MCTP1: variants seen among roughly 807,000 people sequenced by gnomAD.
MCTP1 encodes multiple C2 and transmembrane domain containing 1.
In MCTP1, 69 loss-of-function variants were observed where a neutral mutation model predicts 120.6. The ratio of observed to expected loss-of-function variants is 0.57; its 90% CI spans 0.47 to 0.70. The LOEUF (loss-of-function observed/expected upper bound fraction) is 0.70. MCTP1 is among the 30% of genes least tolerant of loss of function. The probability of loss-of-function intolerance (pLI) is 0.00; values close to 1 mark genes in which losing one functional copy is unlikely to be tolerated. For missense variants in MCTP1, 1,203 were observed against 1,248.8 expected, an observed-to-expected ratio of 0.96 and a Z score of 0.55; for synonymous variants, 529 against 493.1, an observed-to-expected ratio of 1.07 and a Z score of -0.96.
chr5:94,912,470 G>A (rs941852672), intron 9 of MCTP1, among the ~76,000 whole-genome samples: 12 of 89,768 alleles, frequency 1.3e-4, no homozygotes, highest in Admixed American at 5.4e-4. Context: ...AAAAAAAGCC[G>A]CACTCTGAGT....
At chr5:94,898,240 T>C (rs1412776102) in intron 10 of MCTP1, among the ~76,000 whole-genome samples, 1 of 152,186 alleles carries the variant, frequency 6.6e-6, no homozygotes, top group African/African-American at 2.4e-5. Context: ...AGAAAGTATT[T>C]AATGACTTCA....
chr5:95,272,850 CA>C (rs1299707900), intron 1 of MCTP1, among the ~76,000 whole-genome samples: 2 of 152,156 alleles, frequency 1.3e-5, no homozygotes, highest in Non-Finnish European at 2.9e-5. Flanking sequence ...GGGGATGACC[CA>C]AATGGTCAAG....
At chr5:94,968,307 G>A (rs1004280785) in intron 2 of MCTP1, among the ~76,000 whole-genome samples, 4 of 152,090 alleles carry the variant, frequency 2.6e-5, no homozygotes, top group East Asian at 1.9e-4. Context: ...ATAATTGAAC[G>A]TTCACTATGA....
chr5:95,283,880 C>G lies in MCTP1; in HGVS notation c.696G>C (p.Thr232=), dbSNP rs890744439. 10 of 1,379,444 alleles carry G rather than the reference C, an allele frequency of 7.2e-6. No homozygotes were observed. In the African/African-American group the frequency reaches 1.2e-4, roughly 17 times the overall value. The allele number at this position is 1,379,444 out of a possible 1,614,324, so 85.5% of individuals were successfully genotyped here. A position where few individuals can be genotyped will look rare whatever the true frequency, so the allele number is the denominator to read the frequency against. Residue 232 remains threonine (T), a synonymous_variant, in exon 1 of 23, where the codon ACG becomes ACC. Coordinates refer to ENST00000515393, the MANE Select transcript of MCTP1 (RefSeq NM_024717.7). ...RSPAESRAPE[T]GEEHGSSQKI... ...CCTGGCTGCTGCCGTGCTCCTCGCCCGTCTCCGGGGCCCGAGACTCCGCGG... is the reference window on the plus strand; with the variant it reads ...CCTGGCTGCTGCCGTGCTCCTCGCCGGTCTCCGGGGCCCGAGACTCCGCGG...
chr5:95,155,767 C>A (rs1745050920), intron 1 of MCTP1, among the ~76,000 whole-genome samples: 1 of 152,164 alleles, frequency 6.6e-6, no homozygotes, highest in Admixed American at 6.5e-5. Flanking sequence ...GATTCCTCCC[C>A]CATAGTGTTC....
At chr5:95,007,735 A>T (rs1207315564) in intron 2 of MCTP1, among the ~76,000 whole-genome samples, 1 of 152,210 alleles carries the variant, frequency 6.6e-6, no homozygotes, top group East Asian at 1.9e-4. Context: ...CTGTGAAAAA[A>T]GTGAAACTTC....
chr5:95,103,096 C>T (rs1756854554), intron 1 of MCTP1, among the ~76,000 whole-genome samples: 1 of 151,618 alleles, frequency 6.6e-6, no homozygotes, highest in Non-Finnish European at 1.5e-5. Context: ...TTAACAAAGA[C>T]TGTTATTATT....
At chr5:94,731,772 GCAGA>G (rs777556593) in intron 19 of MCTP1, among the ~76,000 whole-genome samples, 3 of 152,194 alleles carry the variant, frequency 2.0e-5, no homozygotes, top group African/African-American at 7.2e-5. Context: ...ATACCATTCT[GCAGA>G]CAGACAGATA....
intron 1 of MCTP1, among the ~76,000 whole-genome samples, chr5:95,190,003 G>GTA (rs1369588746): frequency 3.3e-5 from 5 of 152,072 alleles, no homozygotes; most frequent in Admixed American, 6.6e-5. Context: ...TGGGAGAGAC[G>GTA]TATATATATG....
At chr5:94,875,613 AAC>A (rs1240983513) in intron 12 of MCTP1, among the ~76,000 whole-genome samples, 1 of 152,198 alleles carries the variant, frequency 6.6e-6, no homozygotes, top group East Asian at 1.9e-4. Context: ...TAGGTGGTGG[AAC>A]GTGGTTAGAT....
intron 17 of MCTP1, among the ~76,000 whole-genome samples, chr5:94,805,001 C>T (rs556775173): frequency 4.6e-5 from 7 of 151,844 alleles, no homozygotes; most frequent in South Asian, 2.1e-4. Context: ...AGTAAATGGC[C>T]GAAACATTAA....
intron 2 of MCTP1, among the ~76,000 whole-genome samples, chr5:94,954,193 T>C (rs7722417): frequency 0.1 from 6,191 of 59,042 alleles, 1,417 homozygotes; most frequent in Non-Finnish European, 0.14. Flanking sequence ...CATATATATA[T>C]ATATATATAT....
intron 3 of MCTP1, 105 bp downstream of exon 3, chr5:94,953,114 A>T: frequency 9.8e-7 from 1 of 1,024,788 alleles, no homozygotes; most frequent in Middle Eastern, 2.4e-4. Context: ...AGAGCAGAAC[A>T]CATCTCTGGT....
At chr5:94,890,858 C>T (rs534585306) in intron 11 of MCTP1, among the ~76,000 whole-genome samples, 1 of 152,266 alleles carries the variant, frequency 6.6e-6, no homozygotes, top group African/African-American at 2.4e-5. Flanking sequence ...TCTTATGACA[C>T]GATCAGCACT....
At chr5:95,247,113 T>C (rs1168100538) in intron 1 of MCTP1, among the ~76,000 whole-genome samples, 2 of 152,180 alleles carry the variant, frequency 1.3e-5, no homozygotes, top group Non-Finnish European at 2.9e-5. Flanking sequence ...CCTGGTTCAG[T>C]CTTGGGAGGG....
At chr5:94,982,082 T>C (rs1433101433) in intron 2 of MCTP1, among the ~76,000 whole-genome samples, 1 of 152,178 alleles carries the variant, frequency 6.6e-6, no homozygotes, top group Non-Finnish European at 1.5e-5. Flanking sequence ...CTTAAGTTAC[T>C]CAAAGTAATT....
chr5:95,266,163 TA>T (rs1337149387), intron 1 of MCTP1, among the ~76,000 whole-genome samples: 1 of 152,210 alleles, frequency 6.6e-6, no homozygotes, highest in Admixed American at 6.5e-5. Context: ...TTTTTCCTCC[TA>T]AAAATCAATC....
intron 4 of MCTP1, 41 bp from the exon 5 acceptor site, chr5:94,940,236 G>T: frequency 8.9e-7 from 1 of 1,125,936 alleles, no homozygotes; most frequent in South Asian, 1.5e-5. Flanking sequence ...GTCATTAAAT[G>T]AATAAGCCAA....
At chr5:95,170,080 G>A (rs145060659) in intron 1 of MCTP1, among the ~76,000 whole-genome samples, 1,800 of 152,202 alleles carry the variant, frequency 0.012, 30 homozygotes, top group African/African-American at 0.04. Context: ...ACACTGCTTT[G>A]AATGTGTCCC....
Sources: allele counts gnomAD v4.1 joint callset (sites outside exome capture counted in the v4.1 genomes callset), GRCh38; gene constraint gnomAD v4.1.1; transcripts MANE v1.5; gene names NCBI Gene and HGNC (gene_info 2026-07-23, HGNC 2026-07-21).